Variants in SPON1 observed in about 807,000 individuals in gnomAD.
SPON1 encodes the protein spondin-1.
In SPON1, 52 loss-of-function variants were observed where a neutral mutation model predicts 111.7. The observed-to-expected ratio is 0.47, with a 90% confidence interval of 0.37 to 0.59. The LOEUF (loss-of-function observed/expected upper bound fraction) is 0.59. Ranked by LOEUF, SPON1 falls within the 20% of genes least tolerant of loss-of-function variation. The pLI is 0.00. For missense variants in SPON1, 957 were observed against 1,068.5 expected (o/e 0.90, Z 1.46); for synonymous variants, 410 against 395.8 (o/e 1.04, Z -0.43).
chr11:14,110,468 G>C lies in SPON1; in HGVS notation c.677-24952G>C, dbSNP rs560484173. ...CCAATAAGATATATGTATATAAAAGGGAGTTTATTGGGGAGAATTAGCTCA... is the reference window on the plus strand; with the variant it reads ...CCAATAAGATATATGTATATAAAAGCGAGTTTATTGGGGAGAATTAGCTCA... On this transcript the variant is annotated intron_variant, in intron 5 of 15. Coordinates refer to ENST00000576479, the MANE Select transcript of SPON1 (RefSeq NM_006108.4). 9.2e-5 allele frequency among the ~76,000 whole-genome samples: 14 copies of C among 152,234 alleles called. No individual in the cohort carries two copies. The South Asian group carries it at 2.7e-3, about 29-fold the overall frequency.
At chr11:14,210,203 C>T (rs558570644) in intron 6 of SPON1, among the ~76,000 whole-genome samples, 51 of 152,226 alleles carry the variant, frequency 3.4e-4, no homozygotes, top group Non-Finnish European at 7.1e-4. Context: ...CTCTCCCATT[C>T]TGTAGGTTGC....
chr11:14,027,651 A>G (rs1165537036), intron 2 of SPON1, among the ~76,000 whole-genome samples: 1 of 152,234 alleles, frequency 6.6e-6, no homozygotes. Context: ...TGTAAGCACA[A>G]TATAAAAAGG....
At chr11:13,978,108 G>T (rs1284661760) in intron 1 of SPON1, among the ~76,000 whole-genome samples, 1 of 152,122 alleles carries the variant, frequency 6.6e-6, no homozygotes, top group Non-Finnish European at 1.5e-5. Flanking sequence ...TGATCAACTG[G>T]CCCATTTTTC....
At chr11:14,104,856 A>G (rs1325480420) in intron 5 of SPON1, among the ~76,000 whole-genome samples, 2 of 152,102 alleles carry the variant, frequency 1.3e-5, no homozygotes, top group African/African-American at 4.8e-5. Context: ...ACATCTTTAC[A>G]TTTGGATAAA....
At chr11:14,104,898 G>A (rs1849173004) in intron 5 of SPON1, among the ~76,000 whole-genome samples, 1 of 152,018 alleles carries the variant, frequency 6.6e-6, no homozygotes, top group Admixed American at 6.6e-5. Flanking sequence ...AAATTATACA[G>A]CTTCTTTACT....
At chr11:13,972,250 G>A (rs1848069146) in intron 1 of SPON1, among the ~76,000 whole-genome samples, 1 of 152,142 alleles carries the variant, frequency 6.6e-6, no homozygotes. Flanking sequence ...TGCTATTTTG[G>A]CAGCTGTGCC....
chr11:14,233,872 C>T (rs1417709933), intron 6 of SPON1, among the ~76,000 whole-genome samples: 1 of 151,522 alleles, frequency 6.6e-6, no homozygotes, highest in African/African-American at 2.4e-5. Context: ...AAGCAATTCC[C>T]CTGCCTCAGC....
At chr11:14,204,691 T>G (rs1275250167) in intron 6 of SPON1, among the ~76,000 whole-genome samples, 1 of 137,504 alleles carries the variant, frequency 7.3e-6, no homozygotes, top group Non-Finnish European at 1.6e-5. Flanking sequence ...CCCCATTCTT[T>G]TTTGTTTGTT....
intron 6 of SPON1, among the ~76,000 whole-genome samples, chr11:14,159,902 G>C (rs1379975726): frequency 7.0e-6 from 1 of 143,380 alleles, no homozygotes; most frequent in African/African-American, 2.5e-5. Flanking sequence ...GTAGTGGGGG[G>C]TGGGAGGTGG....
At chr11:13,968,149 G>A (rs191233741) in intron 1 of SPON1, among the ~76,000 whole-genome samples, 26 of 152,188 alleles carry the variant, frequency 1.7e-4, no homozygotes, top group African/African-American at 5.8e-4. Context: ...CATATATATA[G>A]GTCAATATCA....
chr11:13,980,780 A>T (rs1848138011), intron 1 of SPON1, among the ~76,000 whole-genome samples: 1 of 152,208 alleles, frequency 6.6e-6, no homozygotes, highest in Admixed American at 6.5e-5. Context: ...TTTGTGGAAG[A>T]TCTATAACAT....
At chr11:14,230,967 A>G (rs1360431386) in intron 6 of SPON1, among the ~76,000 whole-genome samples, 1 of 150,346 alleles carries the variant, frequency 6.7e-6, no homozygotes, top group African/African-American at 2.5e-5. Flanking sequence ...CAGCTAATTT[A>G]TTTTTTATGT....
At chr11:14,216,183 C>T (rs1162937075) in intron 6 of SPON1, among the ~76,000 whole-genome samples, 1 of 152,178 alleles carries the variant, frequency 6.6e-6, no homozygotes, top group African/African-American at 2.4e-5. Flanking sequence ...AGCCTCTGAA[C>T]CCCATGCTAC....
chr11:14,201,354 A>C (rs1848461126), intron 6 of SPON1, among the ~76,000 whole-genome samples: 1 of 37,092 alleles, frequency 2.7e-5, no homozygotes, highest in Non-Finnish European at 4.3e-5. Flanking sequence ...AAACAAAAAA[A>C]CAAAAAAACA....
chr11:14,054,540 C>T (rs1848730465), intron 3 of SPON1, among the ~76,000 whole-genome samples: 1 of 151,790 alleles, frequency 6.6e-6, no homozygotes, highest in African/African-American at 2.4e-5. Flanking sequence ...TCATCTCCTA[C>T]ATGGTCCAAA....
At chr11:14,172,245 A>G (rs1848112560) in intron 6 of SPON1, among the ~76,000 whole-genome samples, 1 of 151,882 alleles carries the variant, frequency 6.6e-6, no homozygotes, top group Non-Finnish European at 1.5e-5. Flanking sequence ...ACTATTATGT[A>G]ATGGCTTTCT....
chr11:14,137,955 C>T (rs1272833037), intron 6 of SPON1, among the ~76,000 whole-genome samples: 16 of 152,142 alleles, frequency 1.1e-4, no homozygotes, highest in Non-Finnish European at 1.5e-5. Context: ...CCCGCAAGCA[C>T]ACAATTGATT....
At chr11:14,062,885 C>T (rs1848802120) in intron 3 of SPON1, among the ~76,000 whole-genome samples, 1 of 152,194 alleles carries the variant, frequency 6.6e-6, no homozygotes, top group Non-Finnish European at 1.5e-5. Flanking sequence ...GGGCCCACCA[C>T]ACTGTGAGGG....
At chr11:14,023,987 G>A (rs1591354117) in intron 2 of SPON1, among the ~76,000 whole-genome samples, 1 of 142,888 alleles carries the variant, frequency 7.0e-6, no homozygotes. Context: ...CGGTGACAGT[G>A]CGAGACTCCA....
Sources: gnomAD v4.1 joint callset for allele counts (sites outside exome capture counted in the v4.1 genomes callset) on GRCh38, gnomAD v4.1.1 for gene constraint, MANE v1.5 for transcripts, NCBI Gene and HGNC (gene_info 2026-07-23, HGNC 2026-07-21) for gene names.